NTRK1: variants seen among roughly 807,000 people sequenced by gnomAD.
The protein encoded by NTRK1 is high affinity nerve growth factor receptor.
In NTRK1, 62 loss-of-function variants were observed where a neutral mutation model predicts 86.8. The observed-to-expected ratio is 0.71, with a 90% CI of 0.58 to 0.88. The LOEUF is 0.88. Ranked by LOEUF, NTRK1 falls within the 40% of genes least tolerant of loss-of-function variation. The probability of loss-of-function intolerance (pLI) is 0.00; values close to 1 mark genes in which losing one functional copy is unlikely to be tolerated. For synonymous variants in NTRK1, 469 were observed against 456.6 expected, an observed-to-expected ratio of 1.03 and a Z score of -0.35; for missense variants, 967 against 1,078.4, an observed-to-expected ratio of 0.90 and a Z score of 1.45.
At chr1:156,848,778 C>T in intron 2 of NTRK1, 2 of 941,482 alleles carry the variant, frequency 2.1e-6, no homozygotes, top group Non-Finnish European at 3.1e-6. Flanking sequence ...CAGACCTGGG[C>T]CCTACCACGG....
At chr1:156,869,244 T>C (rs1184156987) in intron 6 of NTRK1, among the ~76,000 whole-genome samples, 3 of 152,072 alleles carry the variant, frequency 2.0e-5, no homozygotes, top group Non-Finnish European at 4.4e-5. Context: ...CATGCCCAGC[T>C]AATTTTTGTA....
chr1:156,837,337 C>T lies in NTRK1; in HGVS notation c.-63-4744C>T, dbSNP rs138938414. On this transcript the variant is annotated intron_variant, in intron 1 of 16. Transcript: ENST00000392302. ...TCTGCTCTAAACCCATCCCCAGCTC[C>T]GCCCACCTGGATTCCTTATTTGGCA... 1.9e-3 allele frequency: 295 copies of T among 152,714 alleles called. 1 individual carries two copies. The highest frequency in any genetic ancestry group is 3.1e-3 in the Non-Finnish European group (210 of 68,336). 9.5% of individuals were successfully genotyped at this position (152,714 alleles called of 1,614,324 possible).
chr1:156,864,862 GGGCTT>G, intron 3 of NTRK1, 63 bp downstream of exon 3: 1 of 1,499,276 alleles, frequency 6.7e-7, no homozygotes, highest in Non-Finnish European at 9.2e-7. Context: ...GGCTGCTAAT[GGGCTT>G]GGCTGTCCCC....
intron 1 of NTRK1, chr1:156,842,007 G>T: frequency 6.3e-7 from 1 of 1,580,606 alleles, no homozygotes; most frequent in South Asian, 1.1e-5. Flanking sequence ...ACTTGCCAAG[G>T]GTCTCACAGG....
Position 156,873,916 on chromosome 1 carries a change from C to T in NTRK1, c.1134C>T (p.Phe378=), listed in dbSNP as rs2102906262. The T allele has an allele frequency of 6.4e-7, 1 of 1,564,678 alleles. No individual in the cohort carries two copies. The highest frequency in any genetic ancestry group is 2.4e-5 in the East Asian group (1 of 41,896). Reference sequence around the variant, plus strand: ...CCTCCGCCTCCATCATGGCTGCCTTCATGGACAACCCTTTCGAGTTCAACC... The same window carrying T: ...CCTCCGCCTCCATCATGGCTGCCTTTATGGACAACCCTTTCGAGTTCAACC... ...GQASASIMAA[F]MDNPFEFNPE... The change falls in exon 8 of 17, where the codon TTC becomes TTT. Residue 378 remains phenylalanine, a synonymous_variant. Transcript: ENST00000524377.
intron 1 of NTRK1, among the ~76,000 whole-genome samples, chr1:156,825,026 A>G (rs1654283774): frequency 6.6e-6 from 1 of 152,168 alleles, no homozygotes; most frequent in African/African-American, 2.4e-5. Context: ...AGTAGCTGGG[A>G]TTACAGGCAT....
chr1:156,821,835 T>C (rs1654199843), intron 1 of NTRK1, among the ~76,000 whole-genome samples: 1 of 152,224 alleles, frequency 6.6e-6, no homozygotes. Flanking sequence ...TGCTTCCCAC[T>C]TCCCACTGGA....
chr1:156,823,381 C>T (rs1347796467), intron 1 of NTRK1, among the ~76,000 whole-genome samples: 2 of 152,220 alleles, frequency 1.3e-5, no homozygotes, highest in African/African-American at 2.4e-5. Flanking sequence ...CGCCATCATT[C>T]CACCAAGATG....
chr1:156,822,477 G>A (rs796866405), intron 1 of NTRK1, among the ~76,000 whole-genome samples: 3 of 152,142 alleles, frequency 2.0e-5, no homozygotes, highest in African/African-American at 7.2e-5. Context: ...TGGAAAAATC[G>A]CTTGAGCCCA....
chr1:156,843,296 C>T lies in NTRK1; in HGVS notation c.50+1103C>T, dbSNP rs142931855. ...CTCTCTGCCACACCTCACCCCCCAA[C>T]TTCTCTTCTCCTCTTCTGAAGGGCT... On this transcript the variant is annotated intron_variant, in intron 2 of 16. Coordinates refer to the NTRK1 transcript ENST00000392302. The T allele has an allele frequency of 8.0e-4, 1,267 of 1,574,034 alleles. 1 individual carries two copies. Among genetic ancestry groups the T allele is most frequent in the Middle Eastern group, 7.3e-3 (44 of 5,992 alleles).
upstream of NTRK1, chr1:156,860,743 G>C (rs1007210): frequency 4.5e-5 from 50 of 1,107,848 alleles, no homozygotes; most frequent in African/African-American, 1.2e-4. Flanking sequence ...GGGGCAGAGG[G>C]GGGGGCGTCA....
Position 156,876,246 on chromosome 1 carries a change from G to A in NTRK1, c.1632+36G>A, listed in dbSNP as rs562261234. On this transcript the variant is annotated intron_variant, in intron 13 of 16. Coordinates refer to ENST00000524377, the MANE Select transcript of NTRK1 (RefSeq NM_002529.4). ...GCCCCGGGGGGTACTGCTGGCCTGG[G>A]TCCCACCCCCAGGAGCTCCATCACA... The A allele has an allele frequency of 2.7e-5, 43 of 1,613,206 alleles. No individual in the cohort carries two copies. The African/African-American group carries it at 4.9e-4, about 19-fold the overall frequency.
chr1:156,833,439 C>T (rs1654516298), intron 1 of NTRK1, among the ~76,000 whole-genome samples: 1 of 152,134 alleles, frequency 6.6e-6, no homozygotes, highest in Non-Finnish European at 1.5e-5. Flanking sequence ...CCCCTATAAT[C>T]CCAGCTACTC....
chr1:156,867,890 G>C (rs981339331), intron 4 of NTRK1, among the ~76,000 whole-genome samples: 10 of 147,358 alleles, frequency 6.8e-5, no homozygotes, highest in East Asian at 2.1e-4. Context: ...AGCCAGGATG[G>C]TCTCGATCTT....
chr1:156,820,466 C>T (rs1287932481), intron 1 of NTRK1, among the ~76,000 whole-genome samples: 2 of 152,172 alleles, frequency 1.3e-5, no homozygotes, highest in Non-Finnish European at 2.9e-5. Flanking sequence ...AGGCTGGTCT[C>T]GAACTCCTGG....
intron 11 of NTRK1, 21 bp downstream of exon 11, chr1:156,875,029 G>GCTGT: frequency 1.3e-6 from 2 of 1,539,546 alleles, no homozygotes; most frequent in Non-Finnish European, 9.0e-7. Flanking sequence ...GCTGCAGAGG[G>GCTGT]CTGTCTGTCT....
At chr1:156,849,547 G>C (rs1655132405) in intron 2 of NTRK1, 3 of 1,009,136 alleles carry the variant, frequency 3.0e-6, no homozygotes, top group Non-Finnish European at 1.5e-6. Context: ...TCCTGGAAGG[G>C]TTTTGCTGGG....
At chr1:156,852,289 C>T in intron 2 of NTRK1, 1 of 1,186,940 alleles carries the variant, frequency 8.4e-7, no homozygotes, top group Admixed American at 2.4e-5. Context: ...GGATGACACT[C>T]AATCTGCACC....
rs113339687 is a variant in NTRK1 at position 156,822,643 on chromosome 1, T to G, written c.-64+6805T>G. Among the ~76,000 whole-genome samples the G allele has an allele frequency of 1.7e-3, 256 of 151,838 alleles. 2 individuals carry two copies. Among genetic ancestry groups the G allele is most frequent in the African/African-American group, 5.9e-3 (246 of 41,372 alleles). On this transcript the variant is annotated intron_variant, in intron 1 of 16. Coordinates refer to the NTRK1 transcript ENST00000392302. ...AAAAAAAAAAAAGCTATAGCCTTCT[T>G]ACTTGTAGCTAGTCCAGAGGCTCTA...
Sources: allele counts gnomAD v4.1 joint callset (sites outside exome capture counted in the v4.1 genomes callset), GRCh38; gene constraint gnomAD v4.1.1; transcripts MANE v1.5; gene names NCBI Gene and HGNC (gene_info 2026-07-23, HGNC 2026-07-21).